The following RASA2 variants were observed in gnomAD, a reference collection of about 807,000 sequenced individuals.
The protein encoded by RASA2 is ras GTPase-activating protein 2.
Under a neutral mutation model 118.2 loss-of-function variants are expected in RASA2, and 155 were observed. The observed-to-expected ratio is 1.31, with a 90% CI of 1.15 to 1.50. RASA2 has a LOEUF of 1.50. Ranked by LOEUF, RASA2 falls within the 40% of genes most tolerant of loss-of-function variation. RASA2 has a pLI of 0.00. For synonymous variants in RASA2, 353 were observed against 349.1 expected (o/e 1.01, Z -0.12); for missense variants, 1,016 against 1,009.6 (o/e 1.01, Z -0.09).
chr3:141,577,009 AT>A lies in RASA2; in HGVS notation c.1494del (p.His498GlnfsTer7). ...CATTTTTTTCCTGCAGATGACCCTC[AT>A]GTTCAGTATTCTGCAGTGAGCAGCT... ...MATQRFPNDPHVQYSAVSSFV... is the reference protein window; with the variant it reads ...MATQRFPNDPXVQYSAVSSFV... On this transcript the variant is annotated frameshift_variant, in exon 15 of 24. Transcript: ENST00000286364. LOFTEE classifies it high-confidence loss of function. The A allele has an allele frequency of 6.3e-7, 1 of 1,597,168 alleles. No homozygotes were observed. The highest frequency in any genetic ancestry group is 8.5e-7 in the Non-Finnish European group (1 of 1,171,674).
At position 141,612,560 on chromosome 3, in the gene RASA2, C is replaced by CT; in HGVS notation, c.*249dup. On this transcript the variant is annotated 3_prime_UTR_variant, in exon 24 of 24. Coordinates refer to ENST00000286364, the MANE Select transcript of RASA2 (RefSeq NM_006506.5). Reference sequence around the variant, plus strand: ...TGTGACCAAATCCATGTTTCTGCAACTTCTTTTTAATCGAAAGAATCTTCC... The same window carrying CT: ...TGTGACCAAATCCATGTTTCTGCAACTTTCTTTTTAATCGAAAGAATCTTCC... 1 of 370,730 alleles carries CT rather than the reference C, an allele frequency of 2.7e-6. No individual in the cohort carries two copies. Among genetic ancestry groups the CT allele is most frequent in the Non-Finnish European group, 4.9e-6 (1 of 202,520 alleles). The allele number at this position is 370,730 out of a possible 1,614,324, so 23.0% of individuals were successfully genotyped here.
At chr3:141,579,027 G>A (rs994604377) in intron 15 of RASA2, among the ~76,000 whole-genome samples, 4 of 152,074 alleles carry the variant, frequency 2.6e-5, no homozygotes, top group African/African-American at 9.7e-5. Context: ...TATATTATAA[G>A]GATCATATTT....
intron 14 of RASA2, among the ~76,000 whole-genome samples, chr3:141,576,675 G>A (rs1341325706): frequency 6.6e-6 from 1 of 152,188 alleles, no homozygotes; most frequent in Admixed American, 6.5e-5. Context: ...ACTAGGTAGT[G>A]CTAGATACTA....
intron 5 of RASA2, among the ~76,000 whole-genome samples, chr3:141,545,049 A>T (rs895970956): frequency 5.3e-5 from 8 of 152,212 alleles, no homozygotes; most frequent in Non-Finnish European, 1.0e-4. Context: ...TGCTAGCCTT[A>T]ATACCTAAGT....
At chr3:141,500,958 G>T (rs2081769657) in intron 1 of RASA2, among the ~76,000 whole-genome samples, 1 of 151,980 alleles carries the variant, frequency 6.6e-6, no homozygotes, top group African/African-American at 2.4e-5. Flanking sequence ...ACACAGACCA[G>T]GTATAATGCA....
chr3:141,563,912 A>T (rs542227699), intron 9 of RASA2, among the ~76,000 whole-genome samples: 2 of 152,106 alleles, frequency 1.3e-5, no homozygotes, highest in Non-Finnish European at 2.9e-5. Context: ...AGAGTTCCCT[A>T]CTCATTTAAA....
intron 14 of RASA2, among the ~76,000 whole-genome samples, chr3:141,575,864 G>T (rs914890446): frequency 1.3e-5 from 2 of 151,960 alleles, no homozygotes; most frequent in African/African-American, 2.4e-5. Flanking sequence ...GCACAATCTC[G>T]GCTCACTGCA....
At chr3:141,539,840 T>C (rs1175777613) in intron 4 of RASA2, among the ~76,000 whole-genome samples, 1 of 152,238 alleles carries the variant, frequency 6.6e-6, no homozygotes, top group African/African-American at 2.4e-5. Flanking sequence ...TTTTTAAAAA[T>C]TCGTCTATTA....
chr3:141,524,414 T>A (rs1340682472), intron 3 of RASA2, among the ~76,000 whole-genome samples: 3 of 151,270 alleles, frequency 2.0e-5, no homozygotes, highest in Non-Finnish European at 4.4e-5. Flanking sequence ...TGGAGGCCAT[T>A]AATATACCAG....
At chr3:141,535,993 A>G (rs9849180) in intron 4 of RASA2, among the ~76,000 whole-genome samples, 34,726 of 152,198 alleles carry the variant, frequency 0.23, 4,754 homozygotes, top group Non-Finnish European at 0.31. Context: ...TACCAAGAAT[A>G]TATGTAATAC....
chr3:141,522,762 A>G (rs2082130192), intron 3 of RASA2, among the ~76,000 whole-genome samples: 1 of 152,156 alleles, frequency 6.6e-6, no homozygotes, highest in Non-Finnish European at 1.5e-5. Context: ...CTTCACGCTC[A>G]AGAAATTCCC....
chr3:141,504,209 TCA>T (rs989372427), intron 1 of RASA2, among the ~76,000 whole-genome samples: 34 of 152,340 alleles, frequency 2.2e-4, no homozygotes, highest in Admixed American at 1.4e-3. Flanking sequence ...GCCCTGAGGC[TCA>T]GTCTTCAAAT....
chr3:141,560,762 A>G (rs1027255998), intron 9 of RASA2, among the ~76,000 whole-genome samples: 2 of 152,172 alleles, frequency 1.3e-5, no homozygotes, highest in African/African-American at 4.8e-5. Context: ...TCAACTGGGT[A>G]TAAATGAACA....
chr3:141,560,549 C>T (rs767744006), intron 9 of RASA2, among the ~76,000 whole-genome samples: 4 of 152,116 alleles, frequency 2.6e-5, no homozygotes, highest in Non-Finnish European at 5.9e-5. Flanking sequence ...TCAATAATGA[C>T]TATAATATTA....
intron 1 of RASA2, among the ~76,000 whole-genome samples, chr3:141,499,242 G>C (rs753277793): frequency 6.6e-6 from 1 of 152,188 alleles, no homozygotes; most frequent in East Asian, 1.9e-4. Context: ...AGGAGTTGCA[G>C]TGGTATTTAT....
intron 5 of RASA2, 23 bp downstream of exon 5, chr3:141,540,632 A>G: frequency 6.4e-7 from 1 of 1,562,502 alleles, no homozygotes; most frequent in South Asian, 1.1e-5. Flanking sequence ...TTTAACCAAA[A>G]TCAACTAGAA....
intron 5 of RASA2, among the ~76,000 whole-genome samples, chr3:141,546,609 A>G (rs2082489638): frequency 6.6e-6 from 1 of 152,216 alleles, no homozygotes; most frequent in Admixed American, 6.5e-5. Flanking sequence ...TCAGATGGTT[A>G]GTTAGCAAAT....
At chr3:141,555,957 T>C (rs758074861) in intron 7 of RASA2, 45 bp downstream of exon 7, 1 of 1,407,042 alleles carries the variant, frequency 7.1e-7, no homozygotes, top group Admixed American at 1.9e-5. Flanking sequence ...ATATGTAATA[T>C]TTAATGCTAG....
At chr3:141,544,939 T>A (rs2082462188) in intron 5 of RASA2, among the ~76,000 whole-genome samples, 1 of 152,106 alleles carries the variant, frequency 6.6e-6, no homozygotes, top group Non-Finnish European at 1.5e-5. Context: ...AGCTAAATGA[T>A]GAGAATGCAT....
Sources: allele counts gnomAD v4.1 joint callset (sites outside exome capture counted in the v4.1 genomes callset), GRCh38; gene constraint gnomAD v4.1.1; transcripts MANE v1.5; gene names NCBI Gene and HGNC (gene_info 2026-07-23, HGNC 2026-07-21).